Variants in NEBL observed in about 807,000 individuals in gnomAD.
The protein encoded by NEBL is LIM and SH3 protein 2.
In NEBL, 122 loss-of-function variants were observed where a neutral mutation model predicts 140.2. That is an observed-to-expected ratio of 0.87 (90% CI 0.75 to 1.01). The LOEUF is 1.01. Among genes scored for constraint, NEBL ranks in the 50% least tolerant of loss-of-function variants. The pLI, the probability that NEBL is intolerant of heterozygous loss-of-function variation, is 0.00. For synonymous variants in NEBL, 436 were observed against 398.9 expected (o/e 1.09, Z -1.11); for missense variants, 1,365 against 1,231.3 (o/e 1.11, Z -1.62).
At chr10:20,824,435 A>C (rs1588696315) in intron 18 of NEBL, among the ~76,000 whole-genome samples, 2 of 152,266 alleles carry the variant, frequency 1.3e-5, no homozygotes, top group African/African-American at 4.8e-5. Flanking sequence ...AAAACAGTTA[A>C]ATTGGAAGTT....
chr10:21,019,227 C>A (rs2131766993), intron 3 of NEBL, among the ~76,000 whole-genome samples: 1 of 152,366 alleles, frequency 6.6e-6, no homozygotes, highest in East Asian at 1.9e-4. Context: ...CACCTAACTA[C>A]CTCATTTAAT....
chr10:20,974,972 T>C (rs991028325), intron 3 of NEBL, among the ~76,000 whole-genome samples: 3 of 152,208 alleles, frequency 2.0e-5, no homozygotes, highest in South Asian at 2.1e-4. Flanking sequence ...TGTATTTCTA[T>C]GAAGTTTCAA....
At chr10:21,085,004 C>A (rs913527234) in intron 2 of NEBL, among the ~76,000 whole-genome samples, 1 of 152,176 alleles carries the variant, frequency 6.6e-6, no homozygotes, top group Non-Finnish European at 1.5e-5. Context: ...TTATGCCAAT[C>A]TGATTTCCTC....
intron 4 of NEBL, among the ~76,000 whole-genome samples, chr10:20,908,889 G>C (rs1437441946): frequency 2.0e-5 from 3 of 152,138 alleles, no homozygotes; most frequent in Admixed American, 6.6e-5. Context: ...TTCCTTACCT[G>C]TATGTTGATG....
At chr10:21,237,132 C>T (rs1286305907) in intron 3 of NEBL, among the ~76,000 whole-genome samples, 9 of 152,172 alleles carry the variant, frequency 5.9e-5, no homozygotes. Flanking sequence ...ATAAAAAATC[C>T]ATTGTCAAAA....
intron 2 of NEBL, among the ~76,000 whole-genome samples, chr10:21,148,999 G>T (rs925585573): frequency 1.3e-5 from 2 of 152,182 alleles, no homozygotes; most frequent in Non-Finnish European, 2.9e-5. Flanking sequence ...CAGGAGGAAG[G>T]AATCCTGCAC....
At chr10:21,130,705 A>G (rs1839063103) in intron 2 of NEBL, among the ~76,000 whole-genome samples, 1 of 152,168 alleles carries the variant, frequency 6.6e-6, no homozygotes, top group South Asian at 2.1e-4. Flanking sequence ...ATGAAAATAC[A>G]ACTTGTCAAA....
At chr10:21,091,659 ACT>A (rs1240727000) in intron 2 of NEBL, among the ~76,000 whole-genome samples, 1 of 152,038 alleles carries the variant, frequency 6.6e-6, no homozygotes, top group Non-Finnish European at 1.5e-5. Context: ...TCAGGGTCTC[ACT>A]CTGTCCAAGG....
At chr10:21,102,601 G>A (rs1257538987) in intron 2 of NEBL, among the ~76,000 whole-genome samples, 1 of 152,166 alleles carries the variant, frequency 6.6e-6, no homozygotes, top group Non-Finnish European at 1.5e-5. Flanking sequence ...TTACTGGCAT[G>A]CTTGACATTT....
chr10:20,937,614 C>T (rs1292252750), intron 4 of NEBL, among the ~76,000 whole-genome samples: 10 of 152,102 alleles, frequency 6.6e-5, no homozygotes, highest in Admixed American at 6.5e-4. Flanking sequence ...GTGCAGTGCA[C>T]CAAGCGTGAG....
chr10:20,819,851 A>C (rs553430427), intron 19 of NEBL, among the ~76,000 whole-genome samples: 2 of 152,080 alleles, frequency 1.3e-5, no homozygotes, highest in East Asian at 3.9e-4. Flanking sequence ...CGGCCTCCCA[A>C]AGTGCTGGGA....
chr10:21,001,566 C>T (rs995082699), intron 3 of NEBL, among the ~76,000 whole-genome samples: 5 of 152,078 alleles, frequency 3.3e-5, no homozygotes, highest in Non-Finnish European at 7.4e-5. Flanking sequence ...GTAACTAACA[C>T]GCAATCCACA....
intron 3 of NEBL, among the ~76,000 whole-genome samples, chr10:21,220,133 G>A (rs1414433064): frequency 6.6e-6 from 1 of 151,880 alleles, no homozygotes; most frequent in Non-Finnish European, 1.5e-5. Context: ...GGCTGGTCTC[G>A]AACTCCTGAC....
intron 19 of NEBL, among the ~76,000 whole-genome samples, chr10:20,821,784 T>C (rs941164429): frequency 1.3e-5 from 2 of 152,142 alleles, no homozygotes; most frequent in Admixed American, 1.3e-4. Context: ...TTGTGATCTG[T>C]ATCTCAACTT....
chr10:20,962,295 C>G (rs1429020985), intron 3 of NEBL, among the ~76,000 whole-genome samples: 1 of 152,214 alleles, frequency 6.6e-6, no homozygotes, highest in Non-Finnish European at 1.5e-5. Context: ...GAATTGACAG[C>G]TAGCCCTGTC....
rs538693099 is a variant in NEBL, at chr10:20,780,098, G to A, written c.*5649C>T. The A allele has an allele frequency of 3.2e-4, 49 of 152,246 alleles. No individual in the cohort carries two copies. Among genetic ancestry groups the A allele is most frequent in the African/African-American group, 1.1e-3 (45 of 41,542 alleles). 9.4% of individuals were successfully genotyped at this position (152,246 alleles called of 1,614,324 possible). ...ATACAATAAGACTAGCATCCAAATCGCATAGATTTATATGAGTGTGAAAAA... is the reference window on the plus strand; with the variant it reads ...ATACAATAAGACTAGCATCCAAATCACATAGATTTATATGAGTGTGAAAAA... On this transcript the variant is annotated 3_prime_UTR_variant, in exon 28 of 28. Transcript: ENST00000377122.
At chr10:20,918,363 A>AAAG (rs1393332944) in intron 4 of NEBL, among the ~76,000 whole-genome samples, 4 of 151,948 alleles carry the variant, frequency 2.6e-5, no homozygotes, top group Admixed American at 1.3e-4. Context: ...GTCTCAAAAA[A>AAAG]AAGAATCCAA....
At chr10:21,112,836 T>C (rs4748749) in intron 2 of NEBL, 43,079 of 228,062 alleles carry the variant, frequency 0.19, 4,339 homozygotes, top group East Asian at 0.3. Context: ...AGTCTTACAG[T>C]TGAAGTGTGG....
intron 2 of NEBL, among the ~76,000 whole-genome samples, chr10:21,168,468 C>T (rs1165046249): frequency 6.6e-6 from 1 of 151,982 alleles, no homozygotes; most frequent in African/African-American, 2.4e-5. Context: ...TCTCTAATAG[C>T]TAAGAAAAGT....
Sources: allele counts gnomAD v4.1 joint callset (sites outside exome capture counted in the v4.1 genomes callset), GRCh38; gene constraint gnomAD v4.1.1; transcripts MANE v1.5; gene names NCBI Gene and HGNC (gene_info 2026-07-23, HGNC 2026-07-21).